Variants in RBPMS observed in about 807,000 individuals in gnomAD.
The protein encoded by RBPMS is RNA-binding protein with multiple splicing.
A neutral mutation model predicts 26.8 loss-of-function variants in RBPMS; 7 were observed. The ratio of observed to expected loss-of-function variants is 0.26; its 90% CI spans 0.15 to 0.49. RBPMS has a LOEUF of 0.49. RBPMS is among the 20% of genes least tolerant of loss of function. The pLI is 0.98. For missense variants in RBPMS, 186 were observed against 250.0 expected, an observed-to-expected ratio of 0.74 and a Z score of 1.73; for synonymous variants, 96 against 93.3, an observed-to-expected ratio of 1.03 and a Z score of -0.17.
chr8:30,529,611 T>A (rs1823986944), intron 5 of RBPMS, among the ~76,000 whole-genome samples: 6 of 152,184 alleles, frequency 3.9e-5, no homozygotes, highest in African/African-American at 1.4e-4. Flanking sequence ...CTACTTTCTT[T>A]CTGTCTCTGT....
At chr8:30,530,361 G>C (rs150644327) in intron 5 of RBPMS, among the ~76,000 whole-genome samples, 11 of 152,206 alleles carry the variant, frequency 7.2e-5, no homozygotes, top group Non-Finnish European at 1.5e-4. Context: ...CGTGGGTCAA[G>C]TTATTTAACT....
intron 1 of RBPMS, chr8:30,446,932 A>G (rs1813932765): frequency 6.6e-6 from 1 of 151,888 alleles, no homozygotes; most frequent in Admixed American, 6.6e-5. Flanking sequence ...ATTCTCTGCC[A>G]TCTTCAACAG....
intron 4 of RBPMS, among the ~76,000 whole-genome samples, chr8:30,502,134 C>T (rs891528723): frequency 9.2e-6 from 1 of 108,948 alleles, no homozygotes; most frequent in Non-Finnish European, 1.7e-5. Flanking sequence ...ATTTTAACTT[C>T]TGAGCTTTTT....
intron 5 of RBPMS, among the ~76,000 whole-genome samples, chr8:30,522,324 AAAC>A (rs144638380): frequency 4.6e-4 from 70 of 150,902 alleles, no homozygotes; most frequent in Admixed American, 7.9e-4. Context: ...CTCCACCTCA[AAAC>A]AACAACAACA....
intron 1 of RBPMS, among the ~76,000 whole-genome samples, chr8:30,450,986 A>G (rs1040609260): frequency 6.6e-6 from 1 of 152,174 alleles, no homozygotes; most frequent in Non-Finnish European, 1.5e-5. Flanking sequence ...TATGGTGACT[A>G]GCCAGTATCT....
In RBPMS at chr8:30,549,428, G is replaced by A. The variant is rs1180741106; in HGVS notation, c.528+4804G>A. ...TGCCTTTGGGGCTGTTCTGCCCAAGGCCTTCCATTGTTTTCAGACATAAAT... is the reference window on the plus strand; with the variant it reads ...TGCCTTTGGGGCTGTTCTGCCCAAGACCTTCCATTGTTTTCAGACATAAAT... On this transcript the variant is annotated intron_variant, in intron 6 of 8. Coordinates refer to ENST00000397323, the MANE Select transcript of RBPMS (RefSeq NM_001008710.3). The A allele has an allele frequency of 1.6e-5, 21 of 1,319,174 alleles. No individual in the cohort carries two copies. In the East Asian group the frequency reaches 4.8e-4, roughly 30 times the overall value. 81.7% of individuals were successfully genotyped at this position (1,319,174 alleles called of 1,614,324 possible).
At position 30,418,007 on chromosome 8, in the gene RBPMS, A is replaced by G. The variant is rs1287067105; in HGVS notation, c.66+32849A>G. Among the ~76,000 whole-genome samples, 8 of 152,236 alleles carry G rather than the reference A, an allele frequency of 5.3e-5. No individual in the cohort carries two copies. In the East Asian group the frequency reaches 1.5e-3, roughly 29 times the overall value. The stretch of plus-strand genomic sequence containing the variant: ...AGGTATATGAAGAATAACTACATAT[A>G]TACTTGAACAACTTATGTGCTGTTT... On this transcript the variant is annotated intron_variant, in intron 1 of 8. Transcript: ENST00000397323.
chr8:30,425,557 G>A (rs1462260487), intron 1 of RBPMS, among the ~76,000 whole-genome samples: 2 of 151,854 alleles, frequency 1.3e-5, no homozygotes, highest in African/African-American at 2.4e-5. Context: ...GTGCCACCAC[G>A]CCCCGCTAAA....
At chr8:30,570,180 T>TCTAA (rs997881234) in intron 8 of RBPMS, among the ~76,000 whole-genome samples, 1 of 152,178 alleles carries the variant, frequency 6.6e-6, no homozygotes, top group African/African-American at 2.4e-5. Flanking sequence ...TGGGACAAAA[T>TCTAA]CTAACTTGGG....
chr8:30,385,766 T>TAAG (rs2150524473), intron 1 of RBPMS, among the ~76,000 whole-genome samples: 1 of 151,836 alleles, frequency 6.6e-6, no homozygotes, highest in South Asian at 2.1e-4. Context: ...GGGAGCAGAG[T>TAAG]AAGAGGGTTA....
intron 5 of RBPMS, among the ~76,000 whole-genome samples, chr8:30,529,395 G>A (rs6999866): frequency 0.25 from 37,466 of 151,692 alleles, 4,942 homozygotes; most frequent in East Asian, 0.4. Context: ...CCAGCTACTC[G>A]GGAGACTGAG....
intron 1 of RBPMS, among the ~76,000 whole-genome samples, chr8:30,432,122 T>A (rs1175269679): frequency 6.6e-6 from 1 of 152,120 alleles, no homozygotes; most frequent in Admixed American, 6.5e-5. Flanking sequence ...TGAGACCCTG[T>A]CTCAAAAAAG....
chr8:30,540,620 C>T (rs1289845004), intron 5 of RBPMS, among the ~76,000 whole-genome samples: 1 of 152,128 alleles, frequency 6.6e-6, no homozygotes, highest in African/African-American at 2.4e-5. Flanking sequence ...TACGGGGTCT[C>T]GCTATGTTGC....
intron 4 of RBPMS, among the ~76,000 whole-genome samples, chr8:30,480,377 T>C (rs762149976): frequency 3.3e-5 from 5 of 152,200 alleles, no homozygotes; most frequent in African/African-American, 7.2e-5. Context: ...AGACCTGATA[T>C]AGGTGATGAC....
At chr8:30,385,235 C>A in intron 1 of RBPMS, 77 bp downstream of exon 1, 2 of 1,054,598 alleles carry the variant, frequency 1.9e-6, no homozygotes, top group Non-Finnish European at 2.5e-6. Context: ...GGGCCCGGGG[C>A]GCGGCGGTGG....
chr8:30,446,173 T>G (rs925842820), intron 1 of RBPMS, among the ~76,000 whole-genome samples: 1 of 152,252 alleles, frequency 6.6e-6, no homozygotes, highest in Non-Finnish European at 1.5e-5. Context: ...ACTTTAAAGA[T>G]GATTTTATCG....
intron 6 of RBPMS, among the ~76,000 whole-genome samples, chr8:30,554,013 T>C (rs1369496043): frequency 6.6e-6 from 1 of 152,176 alleles, no homozygotes; most frequent in Non-Finnish European, 1.5e-5. Context: ...CTTGACCTCA[T>C]GATCCACCCG....
At chr8:30,536,256 T>G (rs1194271687) in intron 5 of RBPMS, among the ~76,000 whole-genome samples, 1 of 152,024 alleles carries the variant, frequency 6.6e-6, no homozygotes, top group Admixed American at 6.6e-5. Context: ...GCCTCCCTAG[T>G]AGCTAGGATT....
At chr8:30,519,019 G>T (rs538293442) in intron 5 of RBPMS, among the ~76,000 whole-genome samples, 5 of 152,204 alleles carry the variant, frequency 3.3e-5, no homozygotes, top group African/African-American at 9.6e-5. Context: ...GGAGGGGCAT[G>T]TTTGCAAAAG....
Sources: allele counts gnomAD v4.1 joint callset (sites outside exome capture counted in the v4.1 genomes callset), GRCh38; gene constraint gnomAD v4.1.1; transcripts MANE v1.5; gene names NCBI Gene and HGNC (gene_info 2026-07-23, HGNC 2026-07-21).